Variants in ZNF138 observed in about 807,000 individuals in gnomAD.
The protein encoded by ZNF138 is zinc finger protein 138.
A neutral mutation model predicts 33.0 loss-of-function variants in ZNF138; 33 were observed. The observed-to-expected ratio is 1.00, with a 90% CI of 0.76 to 1.34. The LOEUF (loss-of-function observed/expected upper bound fraction) is 1.34, where lower values mean the gene tolerates loss of function less well. ZNF138 is among the 40% of genes most tolerant of loss of function. ZNF138 has a pLI of 0.00. For synonymous variants in ZNF138, 139 were observed against 120.4 expected, an observed-to-expected ratio of 1.15 and a Z score of -1.01; for missense variants, 360 against 370.8, an observed-to-expected ratio of 0.97 and a Z score of 0.24.
At chr7:64,853,212 T>C in the ZNF138 span, 1 of 1,602,456 alleles carries the variant, frequency 6.2e-7, no homozygotes, top group South Asian at 1.1e-5. Flanking sequence ...TTCTTGGAAG[T>C]GGTTCTGTAA....
At chr7:64,807,635 T>C (rs1261456723) in intron 1 of ZNF138, among the ~76,000 whole-genome samples, 1 of 152,178 alleles carries the variant, frequency 6.6e-6, no homozygotes, top group Non-Finnish European at 1.5e-5. Context: ...GCCTGAGATT[T>C]ACAAAGCAGG....
At position 64,831,884 on chromosome 7, in the gene ZNF138, G is replaced by C; in HGVS notation, c.642G>C (p.Lys214Asn). The C allele has an allele frequency of 6.2e-7, 1 of 1,613,790 alleles. No homozygotes were observed. The highest frequency in any genetic ancestry group is 8.5e-7 in the Non-Finnish European group (1 of 1,179,866). The change falls in exon 4 of 4, where the codon AAG becomes AAC. Residue 214 changes from lysine to asparagine, a missense_variant. Lys to Asn is a moderately conservative substitution (Grantham distance 94, BLOSUM62 0). Coordinates refer to ENST00000307355, the MANE Select transcript of ZNF138 (RefSeq NM_001271639.2). ...GGTCCACAAACCTTTCTAAACCTAA[G>C]AAAATTCATACTGGAGAAAAACCCT... ...FNWSTNLSKP[K>N]KIHTGEKPYK...
chr7:64,813,987 T>C, intron 1 of ZNF138: 1 of 1,111,678 alleles, frequency 9.0e-7, no homozygotes, highest in South Asian at 2.1e-5. Context: ...ATCTGGCAGC[T>C]GCCTTTCTAT....
chr7:64,848,853 T>C, the ZNF138 span, among the ~76,000 whole-genome samples: 3 of 151,828 alleles, frequency 2.0e-5, no homozygotes, highest in Non-Finnish European at 4.4e-5. Context: ...TACAGGTGCC[T>C]GCCACCACGC....
chr7:64,816,823 A>G (rs1788675028), intron 3 of ZNF138, among the ~76,000 whole-genome samples: 2 of 152,140 alleles, frequency 1.3e-5, no homozygotes, highest in South Asian at 2.1e-4. Flanking sequence ...GGAGGTAAAG[A>G]TCTTTTGTTG....
intron 3 of ZNF138, among the ~76,000 whole-genome samples, chr7:64,821,703 C>G (rs4718122): frequency 0.28 from 41,937 of 150,776 alleles, 7,226 homozygotes; most frequent in Middle Eastern, 0.37. Flanking sequence ...GGTGCCACCA[C>G]GCCTGGCTAA....
In ZNF138 at chr7:64,830,469, G is replaced by C. The variant is rs1291914984; in HGVS notation, c.209-982G>C. Among the ~76,000 whole-genome samples, 4 of 151,616 alleles carry C rather than the reference G, an allele frequency of 2.6e-5. No homozygotes were observed. The East Asian group carries it at 7.8e-4, about 29-fold the overall frequency. On this transcript the variant is annotated intron_variant, in intron 3 of 3. Transcript: ENST00000307355. ...TATTTTAAATTTTTAAAATATATTT[G>C]TGCATCTTTTTTTGTTTTGTTTTGT... is the stretch of plus-strand genomic sequence containing the variant.
intron 3 of ZNF138, among the ~76,000 whole-genome samples, chr7:64,820,583 A>G (rs2129006766): frequency 6.6e-6 from 1 of 151,680 alleles, no homozygotes; most frequent in East Asian, 1.9e-4. Context: ...TTTATTTTTG[A>G]GATGGAGACT....
Position 64,821,980 on chromosome 7 carries a change from G to A in ZNF138, c.208+6327G>A, listed in dbSNP as rs571783746. 5.2e-4 allele frequency among the ~76,000 whole-genome samples: 70 copies of A among 134,746 alleles called. 1 individual carries two copies. In the East Asian group the frequency reaches 0.012, roughly 24 times the overall value. The allele number at this position is 134,746 out of a possible 152,430, so 88.4% of individuals were successfully genotyped here. ...GTCACCCAGGCTGGAGTGCAGTGGC[G>A]CGATCTCAGCTCACTGCAAGCTCTG... On this transcript the variant is annotated intron_variant, in intron 3 of 3. Transcript: ENST00000307355.
intron 1 of ZNF138, among the ~76,000 whole-genome samples, chr7:64,795,800 T>C: frequency 6.6e-6 from 1 of 152,154 alleles, no homozygotes; most frequent in Admixed American, 6.5e-5. Context: ...TTCAGTTTTT[T>C]CCTTGGTCCT....
chr7:64,806,939 T>C (rs1036168257), intron 1 of ZNF138, among the ~76,000 whole-genome samples: 1 of 152,202 alleles, frequency 6.6e-6, no homozygotes, highest in African/African-American at 2.4e-5. Context: ...CACTGTGACA[T>C]GTTCATGATG....
chr7:64,845,054 CA>C, the ZNF138 span, among the ~76,000 whole-genome samples: 1 of 151,988 alleles, frequency 6.6e-6, no homozygotes, highest in Non-Finnish European at 1.5e-5. Flanking sequence ...ATAATTAACC[CA>C]ATTTGTAGTC....
the ZNF138 span, among the ~76,000 whole-genome samples, chr7:64,840,419 A>G: frequency 6.6e-5 from 10 of 152,182 alleles, no homozygotes; most frequent in African/African-American, 2.2e-4. Context: ...TTTTTTATTT[A>G]TAATTTAAAC....
rs149141100 is a variant in ZNF138 at position 64,831,789 on chromosome 7, A to G, written c.547A>G (p.Thr183Ala). ...DKSLCMLSRL[T>A]QHKKIHTREN... Reference sequence around the variant, plus strand: ...ATCACTTTGCATGCTTTCACGCCTAACTCAACATAAAAAAATTCATACTAG... The same window carrying G: ...ATCACTTTGCATGCTTTCACGCCTAGCTCAACATAAAAAAATTCATACTAG... Residue 183 changes from threonine to alanine, a missense_variant, in exon 4 of 4, where the codon ACT becomes GCT. Coordinates refer to ENST00000307355, the MANE Select transcript of ZNF138 (RefSeq NM_001271639.2). 16 of 1,613,484 alleles carry G rather than the reference A, an allele frequency of 9.9e-6. No individual in the cohort carries two copies. In the African/African-American group the frequency reaches 2.1e-4, roughly 22 times the overall value.
At chr7:64,794,769 G>A (rs1176233027) in intron 1 of ZNF138, among the ~76,000 whole-genome samples, 198 bp downstream of exon 1, 1 of 152,154 alleles carries the variant, frequency 6.6e-6, no homozygotes, top group African/African-American at 2.4e-5. Context: ...CAGGCGTCCT[G>A]TCTCCTCCCT....
Position 64,832,767 on chromosome 7 carries a change from G to T in ZNF138, c.*565G>T. The T allele has an allele frequency of 4.4e-6, 2 of 451,998 alleles. No individual in the cohort carries two copies. Among genetic ancestry groups the T allele is most frequent in the South Asian group, 3.5e-5 (2 of 57,574 alleles). 28.0% of individuals were successfully genotyped at this position (451,998 alleles called of 1,614,324 possible). On this transcript the variant is annotated 3_prime_UTR_variant, in exon 4 of 4. Coordinates refer to ENST00000307355, the MANE Select transcript of ZNF138 (RefSeq NM_001271639.2). ...GAAACCTTACAAATGTGAGGAATGT[G>T]GCAAAGGTTTTAGCCAACTCTCAAA...
chr7:64,830,874 G>T lies in ZNF138; in HGVS notation c.209-577G>T, dbSNP rs1360752583. The T allele has an allele frequency of 9.6e-6, 14 of 1,459,396 alleles. No individual in the cohort carries two copies. The East Asian group carries it at 2.3e-4, about 24-fold the overall frequency. 90.4% of individuals were successfully genotyped at this position (1,459,396 alleles called of 1,614,324 possible). ...TCTGAAATTTTTTAGGGTTTTTTTA[G>T]TTCATTCTTGTTTCATCTTAATAGT... On this transcript the variant is annotated intron_variant, in intron 3 of 3. Transcript: ENST00000307355.
the ZNF138 span, chr7:64,852,524 T>A: frequency 1.3e-6 from 2 of 1,573,428 alleles, no homozygotes; most frequent in Non-Finnish European, 8.7e-7. Flanking sequence ...AATCCATGCT[T>A]GGTGGTCTTC....
chr7:64,843,513 T>G, the ZNF138 span, among the ~76,000 whole-genome samples: 37 of 152,202 alleles, frequency 2.4e-4, no homozygotes, highest in African/African-American at 8.9e-4. Context: ...ATATAGTTTT[T>G]TTTGCTTTCC....
Sources: allele counts gnomAD v4.1 joint callset (sites outside exome capture counted in the v4.1 genomes callset), GRCh38; gene constraint gnomAD v4.1.1; transcripts MANE v1.5; gene names NCBI Gene and HGNC (gene_info 2026-07-23, HGNC 2026-07-21).